PTPRR: variants seen among roughly 807,000 people sequenced by gnomAD.
PTPRR encodes protein tyrosine phosphatase receptor type R, also known as receptor-type tyrosine-protein phosphatase R.
A neutral mutation model predicts 77.2 loss-of-function variants in PTPRR; 38 were observed. The observed-to-expected ratio is 0.49, with a 90% CI of 0.38 to 0.65. PTPRR has a LOEUF of 0.65. Ranked by LOEUF, PTPRR falls within the 30% of genes least tolerant of loss-of-function variation. PTPRR has a pLI of 0.00. For missense variants in PTPRR, 744 were observed against 799.2 expected (o/e 0.93, Z 0.83); for synonymous variants, 299 against 283.1 (o/e 1.06, Z -0.57).
intron 5 of PTPRR, among the ~76,000 whole-genome samples, chr12:70,746,434 A>C (rs959688908): frequency 4.6e-5 from 7 of 152,330 alleles, no homozygotes; most frequent in Admixed American, 2.6e-4. Context: ...ACCGTAAAAC[A>C]CACGTCTATG....
At chr12:70,697,580 T>C (rs548639704) in intron 8 of PTPRR, among the ~76,000 whole-genome samples, 39 of 152,316 alleles carry the variant, frequency 2.6e-4, no homozygotes, top group Non-Finnish European at 4.1e-4. Context: ...AGTTCAATTT[T>C]TTTTTGCTGC....
intron 6 of PTPRR, among the ~76,000 whole-genome samples, chr12:70,736,683 G>T (rs1220463757): frequency 1.3e-5 from 2 of 152,128 alleles, no homozygotes; most frequent in African/African-American, 4.8e-5. Context: ...TATTTTTATT[G>T]ATGTTATTTG....
intron 1 of PTPRR, among the ~76,000 whole-genome samples, chr12:70,902,342 A>G (rs1362890627): frequency 6.6e-6 from 1 of 151,842 alleles, no homozygotes; most frequent in African/African-American, 2.4e-5. Context: ...AGAAGTCGTT[A>G]TATGAAAAAG....
chr12:70,725,035 C>T (rs902569785), intron 6 of PTPRR, among the ~76,000 whole-genome samples: 5 of 151,988 alleles, frequency 3.3e-5, no homozygotes, highest in African/African-American at 1.2e-4. Flanking sequence ...TGCCTCATGG[C>T]CTATTCCACC....
At chr12:70,771,842 A>G (rs928552474) in intron 2 of PTPRR, among the ~76,000 whole-genome samples, 9 of 152,178 alleles carry the variant, frequency 5.9e-5, no homozygotes, top group African/African-American at 1.9e-4. Flanking sequence ...GCAAGGCAAA[A>G]GAATGAGGTG....
At chr12:70,915,916 A>C (rs1213899161) in intron 1 of PTPRR, among the ~76,000 whole-genome samples, 2 of 152,208 alleles carry the variant, frequency 1.3e-5, no homozygotes, top group African/African-American at 4.8e-5. Flanking sequence ...TAATCTTTAG[A>C]AAGATTTTAT....
At chr12:70,757,277 C>T (rs1005354040) in intron 4 of PTPRR, among the ~76,000 whole-genome samples, 1 of 152,114 alleles carries the variant, frequency 6.6e-6, no homozygotes, top group African/African-American at 2.4e-5. Flanking sequence ...GTCACTTTCT[C>T]CTTTGAAATA....
chr12:70,672,397 G>A (rs1342028432), intron 10 of PTPRR: 3 of 1,212,424 alleles, frequency 2.5e-6, no homozygotes, highest in Non-Finnish European at 3.7e-6. Flanking sequence ...ACTGGGAAGT[G>A]GAGCAGCTGT....
chr12:70,826,935 T>G (rs1892119810), intron 2 of PTPRR, among the ~76,000 whole-genome samples: 1 of 152,210 alleles, frequency 6.6e-6, no homozygotes, highest in Non-Finnish European at 1.5e-5. Context: ...AACCTGCACC[T>G]GCCTCAGGGG....
At chr12:70,802,237 C>T (rs756899212) in intron 2 of PTPRR, among the ~76,000 whole-genome samples, 3 of 152,184 alleles carry the variant, frequency 2.0e-5, no homozygotes, top group Non-Finnish European at 4.4e-5. Flanking sequence ...CTTAAAACAG[C>T]TGTCTTTGCA....
chr12:70,720,885 C>T (rs1169306307), intron 6 of PTPRR, among the ~76,000 whole-genome samples: 9 of 152,122 alleles, frequency 5.9e-5, no homozygotes, highest in Admixed American at 1.3e-4. Context: ...CCCTCATCTT[C>T]GACTCCAATA....
Position 70,879,394 on chromosome 12 carries a change from T to TA in PTPRR, c.357+13284dup, listed in dbSNP as rs75616879. On this transcript the variant is annotated intron_variant, in intron 2 of 13. Transcript: ENST00000283228. ...GAATAGAAATTTACAGATCCTATTG[T>TA]AAAAAAAAAAAAAAGAAGAAACAAA... is the stretch of plus-strand genomic sequence containing the variant. Among the ~76,000 whole-genome samples the TA allele has an allele frequency of 7.1e-3, 1,002 of 140,278 alleles. 9 individuals are homozygous for TA. Among genetic ancestry groups the TA allele is most frequent in the Admixed American group, 0.016 (226 of 13,964 alleles). The allele number at this position is 140,278 out of a possible 152,430, so 92.0% of individuals were successfully genotyped here.
chr12:70,750,878 G>A (rs1482554644), intron 5 of PTPRR, among the ~76,000 whole-genome samples: 1 of 151,112 alleles, frequency 6.6e-6, no homozygotes, highest in Non-Finnish European at 1.5e-5. Flanking sequence ...ACAGGCATGT[G>A]CCATCAGCCT....
intron 6 of PTPRR, among the ~76,000 whole-genome samples, chr12:70,710,482 T>C (rs1888785336): frequency 6.6e-6 from 1 of 152,110 alleles, no homozygotes; most frequent in South Asian, 2.1e-4. Flanking sequence ...ATTCAAGCCA[T>C]AGGCAAGGAC....
chr12:70,831,050 A>G (rs1231874980), intron 2 of PTPRR, among the ~76,000 whole-genome samples: 1 of 152,218 alleles, frequency 6.6e-6, no homozygotes, highest in Non-Finnish European at 1.5e-5. Flanking sequence ...CAACACAAGA[A>G]GGAGCTGTTA....
At chr12:70,834,318 G>A (rs1892265333) in intron 2 of PTPRR, among the ~76,000 whole-genome samples, 1 of 152,114 alleles carries the variant, frequency 6.6e-6, no homozygotes, top group Admixed American at 6.6e-5. Flanking sequence ...GTATAGCAAA[G>A]CCTCATGAAT....
intron 2 of PTPRR, among the ~76,000 whole-genome samples, chr12:70,778,038 G>C (rs1470807202): frequency 6.6e-6 from 1 of 152,080 alleles, no homozygotes; most frequent in African/African-American, 2.4e-5. Flanking sequence ...TCTATATTTT[G>C]ATTTATCTGT....
At chr12:70,789,133 C>G (rs547203019) in intron 2 of PTPRR, among the ~76,000 whole-genome samples, 1 of 151,958 alleles carries the variant, frequency 6.6e-6, no homozygotes, top group Non-Finnish European at 1.5e-5. Flanking sequence ...AAGATGAGAA[C>G]TTTATGGGCT....
intron 6 of PTPRR, among the ~76,000 whole-genome samples, chr12:70,729,842 A>C (rs1167415650): frequency 6.6e-6 from 1 of 152,172 alleles, no homozygotes; most frequent in East Asian, 1.9e-4. Context: ...TAAGAAAAAA[A>C]AAACCTGAGG....
Sources: allele counts gnomAD v4.1 joint callset (sites outside exome capture counted in the v4.1 genomes callset), GRCh38; gene constraint gnomAD v4.1.1; transcripts MANE v1.5; gene names NCBI Gene and HGNC (gene_info 2026-07-23, HGNC 2026-07-21).